Variants in MNAT1 observed in about 807,000 individuals in gnomAD.
MNAT1 encodes MNAT1 component of CDK activating kinase, also known as CDK-activating kinase assembly factor MAT1.
Under a neutral mutation model 42.0 loss-of-function variants are expected in MNAT1, and 43 were observed. The observed-to-expected ratio is 1.02, with a 90% CI of 0.80 to 1.32. The LOEUF is 1.32. MNAT1 is among the 40% of genes most tolerant of loss of function. The pLI is 0.00. For synonymous variants in MNAT1, 118 were observed against 120.0 expected (o/e 0.98, Z 0.11); for missense variants, 306 against 350.4 (o/e 0.87, Z 1.01).
chr14:60,946,870 A>G (rs1263657344), intron 7 of MNAT1, among the ~76,000 whole-genome samples: 3 of 152,232 alleles, frequency 2.0e-5, no homozygotes, highest in Admixed American at 2.0e-4. Flanking sequence ...CTTAAACAAT[A>G]GAAGTCTATT....
chr14:60,800,395 G>A (rs958298322), intron 3 of MNAT1, among the ~76,000 whole-genome samples: 3 of 152,014 alleles, frequency 2.0e-5, no homozygotes, highest in Non-Finnish European at 4.4e-5. Context: ...ATTTTAAAAA[G>A]TAGCTGGGTG....
intron 1 of MNAT1, among the ~76,000 whole-genome samples, chr14:60,760,756 G>A (rs2030565493): frequency 6.6e-6 from 1 of 152,172 alleles, no homozygotes; most frequent in Non-Finnish European, 1.5e-5. Flanking sequence ...AGCAGGACAA[G>A]GAAAAATCGT....
intron 7 of MNAT1, among the ~76,000 whole-genome samples, chr14:60,903,348 G>A (rs954205471): frequency 4.4e-4 from 67 of 151,976 alleles, no homozygotes; most frequent in Non-Finnish European, 1.0e-4. Flanking sequence ...ACCTAAAATA[G>A]CGTTTGGGAA....
intron 7 of MNAT1, among the ~76,000 whole-genome samples, chr14:60,887,168 C>T (rs895824726): frequency 2.0e-5 from 3 of 151,236 alleles, no homozygotes; most frequent in East Asian, 3.9e-4. Flanking sequence ...CATTGATTTG[C>T]ATTTTTTTTG....
chr14:60,776,355 T>C (rs1030171207), intron 1 of MNAT1, among the ~76,000 whole-genome samples: 7 of 152,030 alleles, frequency 4.6e-5, no homozygotes, highest in Non-Finnish European at 1.0e-4. Context: ...GATATATATA[T>C]ATTGATAATG....
chr14:60,762,478 G>A (rs1020744805), intron 1 of MNAT1, among the ~76,000 whole-genome samples: 6 of 151,830 alleles, frequency 4.0e-5, no homozygotes, highest in Admixed American at 6.6e-5. Flanking sequence ...TTAGGAGTTC[G>A]AGACCAGCCT....
intron 7 of MNAT1, among the ~76,000 whole-genome samples, chr14:60,935,971 A>G (rs925011076): frequency 6.6e-6 from 1 of 152,154 alleles, no homozygotes; most frequent in African/African-American, 2.4e-5. Flanking sequence ...GGAAAAAAAG[A>G]AACAAAAAAC....
chr14:60,905,933 C>T (rs2035188429), intron 7 of MNAT1, among the ~76,000 whole-genome samples: 1 of 152,164 alleles, frequency 6.6e-6, no homozygotes, highest in South Asian at 2.1e-4. Flanking sequence ...TCCTTTAGCC[C>T]AGTCAAGTTG....
chr14:60,760,293 A>G (rs994403469), intron 1 of MNAT1, among the ~76,000 whole-genome samples: 3 of 152,056 alleles, frequency 2.0e-5, no homozygotes, highest in South Asian at 2.1e-4. Flanking sequence ...CTGTTGATGG[A>G]AATTTAGAAA....
chr14:60,784,485 A>T (rs983593177), intron 1 of MNAT1, among the ~76,000 whole-genome samples: 3 of 150,112 alleles, frequency 2.0e-5, no homozygotes, highest in Admixed American at 1.3e-4. Context: ...GGCTGAAAAT[A>T]TTTTTTCCCC....
rs142142958 is a variant in MNAT1, at chr14:60,836,563, C to T, written c.687+17716C>T. Among the ~76,000 whole-genome samples the T allele has an allele frequency of 1.4e-4, 22 of 152,334 alleles. No individual in the cohort carries two copies. In the East Asian group the frequency reaches 3.3e-3, roughly 23 times the overall value. On this transcript the variant is annotated intron_variant, in intron 6 of 7. Coordinates refer to ENST00000261245, the MANE Select transcript of MNAT1 (RefSeq NM_002431.4). ...GCCCTGTTTGCCTGGGTATCCCCAG[C>T]GGAGGCTGCAGAACAGCAAAGATTG...
intron 1 of MNAT1, among the ~76,000 whole-genome samples, chr14:60,765,208 G>A (rs2030766246): frequency 6.6e-6 from 1 of 152,088 alleles, no homozygotes; most frequent in Non-Finnish European, 1.5e-5. Flanking sequence ...CCAAGATCGT[G>A]CCACTGCACT....
intron 1 of MNAT1, among the ~76,000 whole-genome samples, chr14:60,787,587 G>A (rs2031691112): frequency 6.6e-6 from 1 of 152,150 alleles, no homozygotes; most frequent in Non-Finnish European, 1.5e-5. Context: ...ATGTGATGCT[G>A]TTTGATAACA....
At chr14:60,817,310 G>C (rs949576001) in intron 5 of MNAT1, among the ~76,000 whole-genome samples, 1 of 151,760 alleles carries the variant, frequency 6.6e-6, no homozygotes, top group Non-Finnish European at 1.5e-5. Context: ...CATTACTAAT[G>C]CTTTGGTGTA....
In MNAT1 at chr14:60,874,688, T is replaced by A. The variant is rs542643390; in HGVS notation, c.688-5026T>A. 1.2e-4 allele frequency among the ~76,000 whole-genome samples: 18 copies of A among 152,288 alleles called. 1 individual carries two copies. In the South Asian group the frequency reaches 3.5e-3, roughly 30 times the overall value. ...TCAAATATAACTTATAATTAGTATA[T>A]CATGCACTTTGAGTTCTTTAATTTG... On this transcript the variant is annotated intron_variant, in intron 6 of 7. Coordinates refer to ENST00000261245, the MANE Select transcript of MNAT1 (RefSeq NM_002431.4).
chr14:60,933,875 C>T (rs923538664), intron 7 of MNAT1, among the ~76,000 whole-genome samples: 3 of 151,946 alleles, frequency 2.0e-5, no homozygotes, highest in African/African-American at 7.3e-5. Flanking sequence ...TTAAGGGTTA[C>T]CAGGAGGGAT....
chr14:60,856,578 A>G (rs2351280), intron 6 of MNAT1, among the ~76,000 whole-genome samples: 144,132 of 152,300 alleles, frequency 0.95, 68,482 homozygotes, highest in Non-Finnish European at 0.99. Context: ...AGCTAAAGAG[A>G]AGAAGTCAAT....
At chr14:60,936,292 G>T (rs186890315) in intron 7 of MNAT1, among the ~76,000 whole-genome samples, 1 of 151,956 alleles carries the variant, frequency 6.6e-6, no homozygotes, top group Admixed American at 6.6e-5. Context: ...GGTTTGTTAC[G>T]TGTGTATACA....
intron 6 of MNAT1, among the ~76,000 whole-genome samples, chr14:60,862,711 C>T (rs992490945): frequency 2.0e-5 from 3 of 152,026 alleles, no homozygotes; most frequent in African/African-American, 7.2e-5. Context: ...TCATAAGAAC[C>T]TTCAAATATA....
Sources: gnomAD v4.1 joint callset for allele counts (sites outside exome capture counted in the v4.1 genomes callset) on GRCh38, gnomAD v4.1.1 for gene constraint, MANE v1.5 for transcripts, NCBI Gene and HGNC (gene_info 2026-07-23, HGNC 2026-07-21) for gene names.